FAM169A: variants seen among roughly 807,000 people sequenced by gnomAD.
FAM169A encodes soluble lamin-associated protein of 75 kDa.
In FAM169A, 24 loss-of-function variants were observed where a neutral mutation model predicts 75.7. That is an observed-to-expected ratio of 0.32 (90% CI 0.23 to 0.45). The LOEUF (loss-of-function observed/expected upper bound fraction) is 0.45. Ranked by LOEUF, FAM169A falls within the 20% of genes least tolerant of loss-of-function variation. The pLI is 1.00. For missense variants in FAM169A, 673 were observed against 784.0 expected (o/e 0.86, Z 1.69); for synonymous variants, 271 against 271.0 (o/e 1.00, Z 0.00).
chr5:74,837,216 T>C (rs1748616186), intron 4 of FAM169A, among the ~76,000 whole-genome samples: 1 of 152,194 alleles, frequency 6.6e-6, no homozygotes, highest in Admixed American at 6.5e-5. Context: ...TTTCTTGACA[T>C]ACATACTTCT....
rs141407966 is a variant in FAM169A, at chr5:74,796,486, A to G, written c.1104-300T>C. The stretch of plus-strand genomic sequence containing the variant: ...AATGGCGCGATCTCGGCTCACTGCA[A>G]CCTCCACCTCCCAGGTTCAAGCGAT... On this transcript the variant is annotated intron_variant, in intron 10 of 12. Transcript: ENST00000687041. Among the ~76,000 whole-genome samples, 44 of 151,460 alleles carry G rather than the reference A, an allele frequency of 2.9e-4. No individual in the cohort carries two copies. The East Asian group carries it at 7.4e-3, about 25-fold the overall frequency.
At chr5:74,866,414 T>A (rs1160360247), upstream of FAM169A, 1 of 975,016 alleles carries the variant, frequency 1.0e-6, no homozygotes, top group African/African-American at 1.8e-5. Context: ...CAGCCTTCGC[T>A]TCCGCTCCGC....
intron 6 of FAM169A, among the ~76,000 whole-genome samples, chr5:74,807,752 CTT>C (rs1268826346): frequency 2.0e-5 from 3 of 152,154 alleles, no homozygotes; most frequent in Admixed American, 2.0e-4. Context: ...ATTGATAACT[CTT>C]TTAAAAATGC....
intron 1 of FAM169A, among the ~76,000 whole-genome samples, chr5:74,864,562 A>ACC (rs1283207378): frequency 1.3e-5 from 2 of 152,180 alleles, no homozygotes; most frequent in Non-Finnish European, 2.9e-5. Flanking sequence ...TACCACTTGT[A>ACC]ATGACATGAA....
At chr5:74,863,674 C>A (rs1012205894) in intron 1 of FAM169A, among the ~76,000 whole-genome samples, 4 of 152,106 alleles carry the variant, frequency 2.6e-5, no homozygotes, top group Non-Finnish European at 5.9e-5. Flanking sequence ...GAAAAATATT[C>A]GATTTTTCTT....
chr5:74,861,505 C>T (rs541565400), intron 1 of FAM169A, among the ~76,000 whole-genome samples: 58 of 152,174 alleles, frequency 3.8e-4, no homozygotes, highest in Non-Finnish European at 7.3e-4. Flanking sequence ...AGGCAGATCG[C>T]TTGAAGTCAG....
intron 4 of FAM169A, among the ~76,000 whole-genome samples, chr5:74,835,556 T>C (rs908650636): frequency 7.2e-6 from 1 of 138,012 alleles, no homozygotes; most frequent in Non-Finnish European, 1.5e-5. Context: ...GAGCTGTGAC[T>C]GCACCACCGC....
chr5:74,801,136 C>T (rs1746551687), intron 9 of FAM169A, 106 bp from the exon 10 acceptor site: 4 of 788,132 alleles, frequency 5.1e-6, no homozygotes, highest in Non-Finnish European at 7.4e-6. Flanking sequence ...CACATATCCT[C>T]CACATTACAC....
intron 11 of FAM169A, 111 bp downstream of exon 11, chr5:74,795,919 G>A (rs1013628771): frequency 2.6e-5 from 29 of 1,115,706 alleles, no homozygotes; most frequent in African/African-American, 6.3e-5. Context: ...AACACTAAAC[G>A]CAATTTCTAA....
chr5:74,795,882 T>A, intron 11 of FAM169A, 148 bp downstream of exon 11: 1 of 667,894 alleles, frequency 1.5e-6, no homozygotes, highest in East Asian at 2.9e-5. Flanking sequence ...CTCTAGTACC[T>A]GACCTTGCTT....
At chr5:74,843,994 T>C (rs770132139) in intron 1 of FAM169A, among the ~76,000 whole-genome samples, 8 of 152,220 alleles carry the variant, frequency 5.3e-5, no homozygotes, top group Non-Finnish European at 1.2e-4. Context: ...TGTTAAATGA[T>C]GCCTTAAGTA....
At chr5:74,825,749 T>G (rs550050986) in intron 5 of FAM169A, among the ~76,000 whole-genome samples, 1 of 152,318 alleles carries the variant, frequency 6.6e-6, no homozygotes, top group African/African-American at 2.4e-5. Context: ...CTAGTATTCA[T>G]GTTGCTGTTG....
intron 5 of FAM169A, among the ~76,000 whole-genome samples, chr5:74,818,795 C>CTATATATATA (rs1202952608): frequency 1.4e-5 from 2 of 139,890 alleles, no homozygotes; most frequent in Non-Finnish European, 3.1e-5. Flanking sequence ...CTCTCTCTCT[C>CTATATATATA]TCTCTCTCTA....
chr5:74,794,337 T>A (rs574543838), intron 11 of FAM169A, among the ~76,000 whole-genome samples: 28 of 149,728 alleles, frequency 1.9e-4, no homozygotes, highest in African/African-American at 6.6e-4. Flanking sequence ...GAGCTTGCAG[T>A]GAGCCGAGAT....
chr5:74,804,161 T>C (rs1279401778), intron 8 of FAM169A, among the ~76,000 whole-genome samples: 1 of 152,110 alleles, frequency 6.6e-6, no homozygotes, highest in Admixed American at 6.6e-5. Flanking sequence ...TGCTTTATAA[T>C]ATGCGATATT....
At chr5:74,840,850 G>C (rs1322148445) in intron 2 of FAM169A, among the ~76,000 whole-genome samples, 1 of 149,456 alleles carries the variant, frequency 6.7e-6, no homozygotes, top group African/African-American at 2.5e-5. Flanking sequence ...AAAAAAAAAA[G>C]CAGTCAAGTA....
chr5:74,865,252 A>C (rs1750256089), intron 1 of FAM169A: 1 of 152,250 alleles, frequency 6.6e-6, no homozygotes, highest in Non-Finnish European at 1.5e-5. Flanking sequence ...TGTGAGAATC[A>C]CAATGAAAAC....
At chr5:74,809,545 G>C (rs890652883) in intron 6 of FAM169A, among the ~76,000 whole-genome samples, 6 of 152,096 alleles carry the variant, frequency 3.9e-5, no homozygotes, top group African/African-American at 1.4e-4. Context: ...GCAGTGAGCC[G>C]AGATTGTGCC....
Position 74,778,757 on chromosome 5 carries a change from T to TA in FAM169A, c.*2702dup, listed in dbSNP as rs1442397321. 1 of 152,018 alleles carries TA rather than the reference T, an allele frequency of 6.6e-6. No individual in the cohort carries two copies. The highest frequency in any genetic ancestry group is 1.5e-5 in the Non-Finnish European group (1 of 67,890). 9.4% of individuals were successfully genotyped at this position (152,018 alleles called of 1,614,324 possible). On this transcript the variant is annotated 3_prime_UTR_variant, in exon 13 of 13. Transcript: ENST00000687041. ...ATCTGCTTTATATTACACAAGGAAA[T>TA]ATACACGTATGTACATAAAAAGTGA...
Sources: allele counts gnomAD v4.1 joint callset (sites outside exome capture counted in the v4.1 genomes callset), GRCh38; gene constraint gnomAD v4.1.1; transcripts MANE v1.5; gene names NCBI Gene and HGNC (gene_info 2026-07-23, HGNC 2026-07-21).